Variants in STAG1 observed in about 807,000 individuals in gnomAD.
The protein encoded by STAG1 is cohesin subunit SA-1.
A neutral mutation model predicts 170.9 loss-of-function variants in STAG1; 26 were observed. The observed-to-expected ratio is 0.15, with a 90% CI of 0.11 to 0.21. The LOEUF (loss-of-function observed/expected upper bound fraction) is 0.21. Among genes scored for constraint, STAG1 ranks in the 10% least tolerant of loss-of-function variants. STAG1 has a pLI of 1.00. For missense variants in STAG1, 964 were observed against 1,509.5 expected (o/e 0.64, Z 5.99); for synonymous variants, 514 against 497.7 (o/e 1.03, Z -0.44).
At chr3:136,498,062 C>T (rs1445211228) in intron 9 of STAG1, among the ~76,000 whole-genome samples, 1 of 145,418 alleles carries the variant, frequency 6.9e-6, no homozygotes, top group Non-Finnish European at 1.5e-5. Flanking sequence ...CGTGGCAGAG[C>T]ATGCCTGTAA....
rs3066789 is a variant in STAG1, at chr3:136,705,378, AACACACACACACACACAC to A, written c.-84+46799_-84+46816del. On this transcript the variant is annotated intron_variant, in intron 1 of 33. Coordinates refer to ENST00000383202, the MANE Select transcript of STAG1 (RefSeq NM_005862.3). ...AAGGAAAAATATCACATGATCATCA[AACACACACACACACACAC>A]ACACACACACACACACACACACACA... Among the ~76,000 whole-genome samples the A allele has an allele frequency of 1.7e-3, 238 of 143,292 alleles. 1 individual carries two copies. The highest frequency in any genetic ancestry group is 4.3e-3 in the African/African-American group (165 of 38,396). The allele number at this position is 143,292 out of a possible 152,430, so 94.0% of individuals were successfully genotyped here. A position where few individuals can be genotyped will look rare whatever the true frequency, so the allele number is the denominator to read the frequency against.
At chr3:136,579,462 G>A (rs1006694783) in intron 4 of STAG1, among the ~76,000 whole-genome samples, 1 of 152,208 alleles carries the variant, frequency 6.6e-6, no homozygotes, top group African/African-American at 2.4e-5. Context: ...TAATCTGGAT[G>A]CTCAACTGGG....
intron 16 of STAG1, among the ~76,000 whole-genome samples, chr3:136,428,377 AC>A (rs1173175979): frequency 1.3e-5 from 2 of 152,216 alleles, no homozygotes; most frequent in Admixed American, 6.5e-5. Flanking sequence ...GCCAGGAAGT[AC>A]CTTGCCAGTA....
chr3:136,716,811 A>G (rs2107925140), intron 1 of STAG1, among the ~76,000 whole-genome samples: 1 of 152,346 alleles, frequency 6.6e-6, no homozygotes, highest in South Asian at 2.1e-4. Flanking sequence ...CATGGTGGTA[A>G]AAAGAAGCAT....
intron 1 of STAG1, among the ~76,000 whole-genome samples, chr3:136,743,422 C>T (rs1934779784): frequency 6.6e-6 from 1 of 151,420 alleles, no homozygotes; most frequent in East Asian, 1.9e-4. Flanking sequence ...GATATCACTA[C>T]AGATCCTACA....
chr3:136,573,599 A>G (rs1416668157), intron 4 of STAG1, among the ~76,000 whole-genome samples: 1 of 152,154 alleles, frequency 6.6e-6, no homozygotes, highest in Non-Finnish European at 1.5e-5. Flanking sequence ...GGCAAATAAA[A>G]TATTTTGAGA....
At chr3:136,493,465 G>C (rs1250586180) in intron 9 of STAG1, among the ~76,000 whole-genome samples, 1 of 151,912 alleles carries the variant, frequency 6.6e-6, no homozygotes, top group Non-Finnish European at 1.5e-5. Context: ...CACGAGCCTG[G>C]ACAACATGGC....
chr3:136,640,525 T>C (rs958509625), intron 1 of STAG1, among the ~76,000 whole-genome samples: 4 of 148,288 alleles, frequency 2.7e-5, no homozygotes, highest in Non-Finnish European at 4.5e-5. Context: ...CCCGCCACCA[T>C]GCCCGGCTAA....
At chr3:136,656,329 A>G (rs1225264040) in intron 1 of STAG1, among the ~76,000 whole-genome samples, 1 of 152,154 alleles carries the variant, frequency 6.6e-6, no homozygotes, top group African/African-American at 2.4e-5. Context: ...TTGCAAGATG[A>G]AAAAGAGTCC....
intron 1 of STAG1, among the ~76,000 whole-genome samples, chr3:136,644,914 G>A (rs1940945823): frequency 6.6e-6 from 1 of 152,028 alleles, no homozygotes; most frequent in Admixed American, 6.5e-5. Flanking sequence ...TAGAGACACA[G>A]GGTTTGGGTT....
chr3:136,357,912 T>C (rs941519489), intron 27 of STAG1, 64 bp from the exon 28 acceptor site: 4 of 1,357,600 alleles, frequency 2.9e-6, no homozygotes, highest in African/African-American at 3.0e-5. Context: ...TTAGCTAACA[T>C]TACACAAATA....
At chr3:136,435,997 G>C (rs1054474018) in intron 15 of STAG1, among the ~76,000 whole-genome samples, 1 of 151,394 alleles carries the variant, frequency 6.6e-6, no homozygotes, top group African/African-American at 2.4e-5. Context: ...TTGCTCCATC[G>C]CCCAGGCCAG....
chr3:136,686,362 T>TCCCA (rs754852541), intron 1 of STAG1, among the ~76,000 whole-genome samples: 14 of 152,156 alleles, frequency 9.2e-5, no homozygotes, highest in African/African-American at 2.2e-4. Context: ...TTGTCTCTGG[T>TCCCA]CCCACATCAG....
intron 9 of STAG1, among the ~76,000 whole-genome samples, chr3:136,484,297 G>T (rs910998645): frequency 2.6e-5 from 4 of 151,304 alleles, no homozygotes; most frequent in Non-Finnish European, 4.4e-5. Context: ...CCTTCTAACA[G>T]ACAGGACCCT....
chr3:136,544,286 CTCAG>C (rs888666855), intron 5 of STAG1, among the ~76,000 whole-genome samples: 4 of 152,152 alleles, frequency 2.6e-5, no homozygotes, highest in African/African-American at 9.7e-5. Flanking sequence ...CCTGTCCCTC[CTCAG>C]TCATTTTCAA....
intron 21 of STAG1, among the ~76,000 whole-genome samples, chr3:136,414,338 C>T (rs1306810336): frequency 6.6e-6 from 1 of 152,180 alleles, no homozygotes; most frequent in Non-Finnish European, 1.5e-5. Context: ...ATCCTAAATC[C>T]TTCGTTGTCA....
chr3:136,706,243 C>A (rs989159880), intron 1 of STAG1, among the ~76,000 whole-genome samples: 1 of 152,106 alleles, frequency 6.6e-6, no homozygotes, highest in Non-Finnish European at 1.5e-5. Context: ...ACACTGCTAG[C>A]CAGGCAAGAA....
At chr3:136,718,943 G>C (rs759296641) in intron 1 of STAG1, among the ~76,000 whole-genome samples, 1 of 152,006 alleles carries the variant, frequency 6.6e-6, no homozygotes, top group Non-Finnish European at 1.5e-5. Context: ...AAAAAAGGCA[G>C]GCAGGGAGGG....
At chr3:136,365,743 C>G (rs1244114735) in intron 25 of STAG1, among the ~76,000 whole-genome samples, 4 of 152,046 alleles carry the variant, frequency 2.6e-5, no homozygotes, top group Non-Finnish European at 4.4e-5. Flanking sequence ...TCACTGGAAG[C>G]AAGCAGAAGT....
Sources: gnomAD v4.1 joint callset for allele counts (sites outside exome capture counted in the v4.1 genomes callset) on GRCh38, gnomAD v4.1.1 for gene constraint, MANE v1.5 for transcripts, NCBI Gene and HGNC (gene_info 2026-07-23, HGNC 2026-07-21) for gene names.